Variants in HECTD2 observed in about 807,000 individuals in gnomAD.
HECTD2 encodes HECT domain E3 ubiquitin protein ligase 2.
A neutral mutation model predicts 103.2 loss-of-function variants in HECTD2; 35 were observed. That is an observed-to-expected ratio of 0.34 (90% CI 0.26 to 0.45). The LOEUF (loss-of-function observed/expected upper bound fraction) is 0.45, where lower values mean the gene tolerates loss of function less well. Ranked by LOEUF, HECTD2 falls within the 20% of genes least tolerant of loss-of-function variation. HECTD2 has a pLI of 1.00. For synonymous variants in HECTD2, 281 were observed against 329.9 expected, an observed-to-expected ratio of 0.85 and a Z score of 1.61; for missense variants, 596 against 937.4, an observed-to-expected ratio of 0.64 and a Z score of 4.76.
In HECTD2 at chr10:91,487,809, G is replaced by T; in HGVS notation, c.1191+31G>T. The T allele has an allele frequency of 8.7e-7, 1 of 1,151,176 alleles. No individual in the cohort carries two copies. Among genetic ancestry groups the T allele is most frequent in the South Asian group, 1.3e-5 (1 of 75,790 alleles). 71.3% of individuals were successfully genotyped at this position (1,151,176 alleles called of 1,614,324 possible). A position where few individuals can be genotyped will look rare whatever the true frequency, so the allele number is the denominator to read the frequency against. ...TCAGCTATAAAAACATATTTATGCTGACTATAATCAGTATAGTAAATAATT... is the reference window on the plus strand; with the variant it reads ...TCAGCTATAAAAACATATTTATGCTTACTATAATCAGTATAGTAAATAATT... On this transcript the variant is annotated intron_variant, in intron 11 of 20. Coordinates refer to ENST00000298068, the MANE Select transcript of HECTD2 (RefSeq NM_182765.6). This position sits in a 1 kb window ranked among gnomAD's most constrained non-coding sequence, Gnocchi z 4.1.
At chr10:91,444,282 A>C (rs1219714088) in intron 2 of HECTD2, among the ~76,000 whole-genome samples, 1 of 152,168 alleles carries the variant, frequency 6.6e-6, no homozygotes, top group Non-Finnish European at 1.5e-5. Context: ...TATTAATACC[A>C]TGTTGAGGTG....
Position 91,499,087 on chromosome 10 carries a change from C to T in HECTD2, c.1887C>T (p.Ile629=). 1 of 1,613,016 alleles carries T rather than the reference C, an allele frequency of 6.2e-7. No homozygotes were observed. The highest frequency in any genetic ancestry group is 8.5e-7 in the Non-Finnish European group (1 of 1,179,226). ...LYTDFLLNKS[I]YKQFAAFYYG... is the part of the protein sequence containing the mutation. ...CTGACTTCCTTCTGAACAAATCCATCTATAAGCAGTTTGCTGCATTTTATT... is the reference window on the plus strand; with the variant it reads ...CTGACTTCCTTCTGAACAAATCCATTTATAAGCAGTTTGCTGCATTTTATT... Residue 629 remains isoleucine, a synonymous_variant, in exon 18 of 21, where the codon ATC becomes ATT. Transcript: ENST00000298068.
At chr10:91,421,788 C>G (rs1843369815) in intron 1 of HECTD2, among the ~76,000 whole-genome samples, 1 of 152,346 alleles carries the variant, frequency 6.6e-6, no homozygotes, top group East Asian at 1.9e-4. Flanking sequence ...CTCTTCTATA[C>G]AGTGAGGTGT....
chr10:91,502,245 T>C lies in HECTD2; in HGVS notation c.2210+911T>C, dbSNP rs149651981. Reference sequence around the variant, plus strand: ...CCAGTTTTCATTTCTTTCTATGCTTTAGTCAACAGGCTGTTTGCTGGTTCC... The same window carrying C: ...CCAGTTTTCATTTCTTTCTATGCTTCAGTCAACAGGCTGTTTGCTGGTTCC... On this transcript the variant is annotated intron_variant, in intron 20 of 20. Coordinates refer to ENST00000298068, the MANE Select transcript of HECTD2 (RefSeq NM_182765.6). Among the ~76,000 whole-genome samples the C allele has an allele frequency of 3.4e-3, 521 of 152,306 alleles. 3 individuals are homozygous for C. The highest frequency in any genetic ancestry group is 7.0e-3 in the South Asian group (34 of 4,828).
chr10:91,492,482 A>T lies in HECTD2; in HGVS notation c.1430A>T (p.Tyr477Phe). Residue 477 changes from tyrosine to phenylalanine, a missense_variant and splice_region_variant, in exon 13 of 21, where the codon TAT becomes TTT. Transcript: ENST00000298068. ...LLIRQIFHPDYGMFTYHKDSH... is the reference protein window; with the variant it reads ...LLIRQIFHPDFGMFTYHKDSH... The stretch of plus-strand genomic sequence containing the variant: ...ATTCGCCAAATTTTTCATCCAGATT[A>T]TGGTAAGTATGTAATCTAATTTTTA... The T allele has an allele frequency of 6.2e-7, 1 of 1,604,170 alleles. No individual in the cohort carries two copies. The highest frequency in any genetic ancestry group is 8.5e-7 in the Non-Finnish European group (1 of 1,171,482).
At chr10:91,438,571 A>C (rs1321472717) in intron 2 of HECTD2, among the ~76,000 whole-genome samples, 7 of 152,188 alleles carry the variant, frequency 4.6e-5, no homozygotes, top group Admixed American at 4.6e-4. Context: ...AGAATGATTT[A>C]TCTTCCTTTG....
chr10:91,446,114 A>G (rs943366335), intron 2 of HECTD2, among the ~76,000 whole-genome samples: 5 of 152,012 alleles, frequency 3.3e-5, no homozygotes, highest in African/African-American at 1.2e-4. Context: ...CCAACACCAC[A>G]TACAGGAGAG....
At chr10:91,415,327 G>GTTCATTAT (rs1843080726) in intron 1 of HECTD2, among the ~76,000 whole-genome samples, 3 of 151,906 alleles carry the variant, frequency 2.0e-5, no homozygotes, top group Admixed American at 2.0e-4. Flanking sequence ...GAGGTGAGAT[G>GTTCATTAT]GGAAAGAATG....
chr10:91,498,785 A>G (rs1178655231), intron 16 of HECTD2, 87 bp from the exon 17 acceptor site: 32 of 753,462 alleles, frequency 4.2e-5, no homozygotes, highest in Non-Finnish European at 6.4e-5. Flanking sequence ...GGGGGAAAAA[A>G]ACTGTTTTTT....
intron 6 of HECTD2, 35 bp downstream of exon 6, chr10:91,478,300 A>G (rs746993986): frequency 2.4e-6 from 3 of 1,266,182 alleles, no homozygotes; most frequent in African/African-American, 2.9e-5. Flanking sequence ...GCTAATCAGT[A>G]TAGATGTCTA....
intron 20 of HECTD2, among the ~76,000 whole-genome samples, chr10:91,503,185 A>G (rs1255100703): frequency 2.0e-5 from 3 of 152,256 alleles, no homozygotes; most frequent in Non-Finnish European, 4.4e-5. Context: ...ATCATTAGAG[A>G]AATGCAAATC....
At chr10:91,460,314 A>G (rs1486574027) in intron 2 of HECTD2, 113 bp from the exon 3 acceptor site, 15 of 964,870 alleles carry the variant, frequency 1.6e-5, no homozygotes, top group Non-Finnish European at 2.3e-5. Flanking sequence ...CTCAAAGTGA[A>G]TGTAATACAA....
intron 2 of HECTD2, 84 bp from the exon 3 acceptor site, chr10:91,460,343 T>G (rs992405059): frequency 1.8e-6 from 2 of 1,122,140 alleles, no homozygotes; most frequent in South Asian, 3.3e-5. Flanking sequence ...ATTTGTTTTC[T>G]GTTCATGTTG....
intron 10 of HECTD2, chr10:91,486,058 T>C (rs1478909748): frequency 1.3e-5 from 2 of 152,140 alleles, no homozygotes; most frequent in Non-Finnish European, 2.9e-5. Flanking sequence ...CCTCAGGTCA[T>C]GAGATGTTCA....
intron 2 of HECTD2, among the ~76,000 whole-genome samples, chr10:91,455,066 A>G (rs1192443086): frequency 1.3e-5 from 2 of 151,902 alleles, no homozygotes; most frequent in East Asian, 1.9e-4. Context: ...ATGATTTAAA[A>G]TCCTTTGAAT....
At chr10:91,459,665 T>C (rs1336904351) in intron 2 of HECTD2, among the ~76,000 whole-genome samples, 1 of 152,052 alleles carries the variant, frequency 6.6e-6, no homozygotes, top group Non-Finnish European at 1.5e-5. Context: ...TTTCCAGAAA[T>C]AAAAATTAAA....
rs554380994 is a variant in HECTD2 at position 91,412,620 on chromosome 10, A to G, written c.138+2044A>G. ...TCTTTCAGAGTCAGTACCATTGATTATTTATTTTTTAAAAAAAAAAACAAT... is the reference window on the plus strand; with the variant it reads ...TCTTTCAGAGTCAGTACCATTGATTGTTTATTTTTTAAAAAAAAAAACAAT... On this transcript the variant is annotated intron_variant, in intron 1 of 20. Transcript: ENST00000298068. Among the ~76,000 whole-genome samples, 859 of 149,442 alleles carry G rather than the reference A, an allele frequency of 5.7e-3. 5 individuals carry two copies. Among genetic ancestry groups the G allele is most frequent in the Non-Finnish European group, 8.6e-3 (578 of 67,540 alleles).
At chr10:91,510,466 AC>A (rs757007563) in intron 20 of HECTD2, among the ~76,000 whole-genome samples, 2 of 152,206 alleles carry the variant, frequency 1.3e-5, no homozygotes, top group Non-Finnish European at 1.5e-5. Flanking sequence ...TCTTCAATAA[AC>A]ATTTTCATAA....
At chr10:91,460,312 GA>G (rs1845290006) in intron 2 of HECTD2, 114 bp from the exon 3 acceptor site, 4 of 948,620 alleles carry the variant, frequency 4.2e-6, no homozygotes, top group Non-Finnish European at 4.6e-6. Flanking sequence ...ATCTCAAAGT[GA>G]ATGTAATACA....
Sources: allele counts gnomAD v4.1 joint callset (sites outside exome capture counted in the v4.1 genomes callset), GRCh38; gene constraint gnomAD v4.1.1; non-coding constraint Gnocchi (gnomAD v3.1); transcripts MANE v1.5; gene names NCBI Gene and HGNC (gene_info 2026-07-23, HGNC 2026-07-21).